FN1: variants seen among roughly 807,000 people sequenced by gnomAD.
The protein encoded by FN1 is fibronectin 1.
FN1 carries 106 observed loss-of-function variants against 297.3 expected under a neutral mutation model. The observed-to-expected ratio is 0.36, with a 90% confidence interval of 0.30 to 0.42. The LOEUF (loss-of-function observed/expected upper bound fraction) is 0.42, where lower values mean the gene tolerates loss of function less well. Among genes scored for constraint, FN1 ranks in the 10% least tolerant of loss-of-function variants. FN1 has a pLI of 1.00. For synonymous variants in FN1, 1,149 were observed against 1,152.6 expected, an observed-to-expected ratio of 1.00 and a Z score of 0.06; for missense variants, 2,690 against 3,124.9, an observed-to-expected ratio of 0.86 and a Z score of 3.32.
At chr2:215,394,494 T>TCA (rs1365535134) in intron 24 of FN1, 34 bp downstream of exon 24, 1 of 1,527,690 alleles carries the variant, frequency 6.5e-7, no homozygotes, top group East Asian at 2.2e-5. Context: ...ATTGGAAGTG[T>TCA]CACTCTCAGG....
intron 7 of FN1, 64 bp from the exon 8 acceptor site, chr2:215,424,389 T>C (rs1216546770): frequency 2.2e-6 from 3 of 1,351,252 alleles, no homozygotes; most frequent in Admixed American, 1.7e-5. Flanking sequence ...AGCAGCTGCT[T>C]ATTTATGGCT....
At position 215,404,259 on chromosome 2, in the gene FN1, T is replaced by C. The variant is rs1488461211; in HGVS notation, c.3253+130A>G. The C allele has an allele frequency of 3.1e-6, 3 of 981,986 alleles. No homozygotes were observed. In the African/African-American group the frequency reaches 4.8e-5, roughly 16 times the overall value. 60.8% of individuals were successfully genotyped at this position (981,986 alleles called of 1,614,324 possible). A position where few individuals can be genotyped will look rare whatever the true frequency, so the allele number is the denominator to read the frequency against. On this transcript the variant is annotated intron_variant, in intron 20 of 45. Coordinates refer to ENST00000354785, the MANE Select transcript of FN1 (RefSeq NM_212482.4). ...CAGCAGCCAGTCTATGGAGCACATT[T>C]TTAGTATCACTGATTTAAATTATGT...
chr2:215,384,979 A>AG lies in FN1; in HGVS notation c.4613-4dup. On this transcript the variant is annotated splice_polypyrimidine_tract_variant and splice_region_variant and intron_variant, in intron 28 of 45. Coordinates refer to ENST00000354785, the MANE Select transcript of FN1 (RefSeq NM_212482.4). ...CAGGTCCCTCGGAACATCAGAAACT[A>AG]GAAAAAAAAGGGAAACTTTTCACAT... The AG allele has an allele frequency of 6.2e-7, 1 of 1,601,234 alleles. No individual in the cohort carries two copies.
At chr2:215,427,887 A>G (rs2065775926) in intron 6 of FN1, among the ~76,000 whole-genome samples, 1 of 152,024 alleles carries the variant, frequency 6.6e-6, no homozygotes, top group Non-Finnish European at 1.5e-5. Flanking sequence ...TGATCTATCC[A>G]TGGTAAGTTT....
At chr2:215,383,227 C>T (rs556412987) in intron 31 of FN1, 101 bp downstream of exon 31, 16 of 1,214,960 alleles carry the variant, frequency 1.3e-5, no homozygotes, top group East Asian at 2.3e-5. Flanking sequence ...AGGCTGGTCT[C>T]GAACTCCTAA....
At chr2:215,378,319 G>C (rs1416360114) in intron 34 of FN1, 57 bp from the exon 35 acceptor site, 1 of 889,638 alleles carries the variant, frequency 1.1e-6, no homozygotes, top group Non-Finnish European at 1.9e-6. Flanking sequence ...AACCCAAGGA[G>C]TTTCACTACA....
At chr2:215,399,982 G>A (rs2060802594) in intron 20 of FN1, among the ~76,000 whole-genome samples, 1 of 152,102 alleles carries the variant, frequency 6.6e-6, no homozygotes, top group Non-Finnish European at 1.5e-5. Context: ...GAGGTCAGGA[G>A]TTCGAGACCA....
At chr2:215,371,329 A>G (rs1277571118) in intron 40 of FN1, among the ~76,000 whole-genome samples, 1 of 151,982 alleles carries the variant, frequency 6.6e-6, no homozygotes, top group Admixed American at 6.6e-5. Context: ...TAGAGAATCA[A>G]TCACTTATCA....
At chr2:215,392,553 C>G (rs1321712578) in intron 25 of FN1, 3 of 296,206 alleles carry the variant, frequency 1.0e-5, no homozygotes, top group African/African-American at 6.6e-5. Flanking sequence ...CATGATGGTA[C>G]ATTTTGGTGA....
chr2:215,396,696 T>G (rs566665759), intron 23 of FN1, among the ~76,000 whole-genome samples: 2 of 152,334 alleles, frequency 1.3e-5, no homozygotes, highest in South Asian at 2.1e-4. Context: ...ATTTCTGCCT[T>G]TCATCACCCT....
At chr2:215,380,755 G>A (rs1342958294) in intron 33 of FN1, 56 bp downstream of exon 33, 4 of 1,592,854 alleles carry the variant, frequency 2.5e-6, no homozygotes, top group East Asian at 2.2e-5. Context: ...AATTCATTCA[G>A]TAGGGCATAA....
Position 215,423,384 on chromosome 2 carries a change from A to T in FN1, c.1359T>A (p.Asp453Glu), listed in dbSNP as rs2064788310. The change falls in exon 9 of 46, where the codon GAT becomes GAA. Residue 453 changes from aspartate (D) to glutamate (E), a missense_variant. Physicochemically the swap from Asp to Glu is conservative, Grantham distance 45 (BLOSUM62 2). Coordinates refer to ENST00000354785, the MANE Select transcript of FN1 (RefSeq NM_212482.4). Reference protein sequence around the residue: ...MKWCGTTQNYDADQKFGFCPM... With the variant: ...MKWCGTTQNYEADQKFGFCPM... ...GGCAGAACCCAAACTTCTGGTCGGC[A>T]TCATAGTTCTGTGTGGTCCCACACC... 1 of 1,614,106 alleles carries T rather than the reference A, an allele frequency of 6.2e-7. No individual in the cohort carries two copies. The highest frequency in any genetic ancestry group is 1.3e-5 in the African/African-American group (1 of 74,942).
intron 13 of FN1, chr2:215,414,530 G>C (rs1048406988): frequency 1.4e-4 from 47 of 325,542 alleles, no homozygotes; most frequent in African/African-American, 9.5e-4. Flanking sequence ...CATTGGGCAA[G>C]AACAATCTTA....
intron 4 of FN1, among the ~76,000 whole-genome samples, chr2:215,431,140 G>A (rs2066441598): frequency 2.0e-5 from 3 of 152,114 alleles, no homozygotes. Context: ...CAGTAGCAAG[G>A]ATCTATGTAT....
chr2:215,408,924 T>TCTC (rs570028204), intron 15 of FN1, among the ~76,000 whole-genome samples: 29 of 152,292 alleles, frequency 1.9e-4, no homozygotes, highest in African/African-American at 6.3e-4. Context: ...CTTTCTCCTT[T>TCTC]CTCCTCCTCC....
intron 1 of FN1, 113 bp from the exon 2 acceptor site, chr2:215,434,937 A>T (rs974071058): frequency 7.5e-6 from 9 of 1,193,846 alleles, no homozygotes; most frequent in Non-Finnish European, 1.1e-5. Context: ...AACTTTGCTA[A>T]AAGTTATATA....
intron 12 of FN1, among the ~76,000 whole-genome samples, chr2:215,416,953 T>G (rs539175204): frequency 8.1e-6 from 1 of 122,976 alleles, no homozygotes; most frequent in East Asian, 2.5e-4. Flanking sequence ...TAGCCCACCT[T>G]TAAAGGAAAT....
In FN1 at chr2:215,365,604, A is replaced by T; in HGVS notation, c.7045T>A (p.Tyr2349Asn). Residue 2349 changes from tyrosine to asparagine, a missense_variant, in exon 43 of 46, where the codon TAC (tyrosine) becomes AAC (asparagine). By Grantham distance (143) the Tyr-to-Asn change is moderately radical (BLOSUM62 -2). Transcript: ENST00000354785. ...SRWCHDNGVN[Y>N]KIGEKWDRQG... ...CGGTCCCACTTCTCTCCAATCTTGT[A>T]GTTCACACCATTGTCATGGCACCAT... The T allele has an allele frequency of 6.2e-7, 1 of 1,614,050 alleles. No individual in the cohort carries two copies. The highest frequency in any genetic ancestry group is 8.5e-7 in the Non-Finnish European group (1 of 1,179,964).
At chr2:215,394,793 G>A in intron 23 of FN1, 74 bp from the exon 24 acceptor site, 3 of 1,172,056 alleles carry the variant, frequency 2.6e-6, no homozygotes, top group Non-Finnish European at 2.5e-6. Context: ...AGACTCCAAT[G>A]ATGGATTCAC....
Sources: allele counts gnomAD v4.1 joint callset (sites outside exome capture counted in the v4.1 genomes callset), GRCh38; gene constraint gnomAD v4.1.1; transcripts MANE v1.5; gene names NCBI Gene and HGNC (gene_info 2026-07-23, HGNC 2026-07-21).